The following MROH9 variants were observed in gnomAD, a reference collection of about 807,000 sequenced individuals.
The protein encoded by MROH9 is maestro heat like repeat family member 9.
A neutral mutation model predicts 98.2 loss-of-function variants in MROH9; 92 were observed. That is an observed-to-expected ratio of 0.94 (90% CI 0.79 to 1.11). The LOEUF (loss-of-function observed/expected upper bound fraction) is 1.11. Among genes scored for constraint, MROH9 ranks in the 50% most tolerant of loss-of-function variants. The pLI is 0.00. For missense variants in MROH9, 1,057 were observed against 1,014.8 expected, an observed-to-expected ratio of 1.04 and a Z score of -0.57; for synonymous variants, 397 against 368.9, an observed-to-expected ratio of 1.08 and a Z score of -0.87.
intron 3 of MROH9, among the ~76,000 whole-genome samples, chr1:170,950,882 C>G (rs1442584817): frequency 6.6e-6 from 1 of 152,038 alleles, no homozygotes; most frequent in Non-Finnish European, 1.5e-5. Context: ...GTCCCTCACC[C>G]TTAAATCCTC....
In MROH9 at chr1:171,024,695, C is replaced by A; in HGVS notation, c.2108C>A (p.Ser703Ter). 6.4e-7 allele frequency: 1 copy of A among 1,551,184 alleles called. No individual in the cohort carries two copies. Among genetic ancestry groups the A allele is most frequent in the South Asian group, 1.2e-5 (1 of 83,986 alleles). ...LKICTSQLKW[S>*]TSRLLKDENY... ...ATCTGTACCTCACAATTAAAGTGGT[C>A]AACATCACGTTTGCTCAAAGATGAA... Residue 703 changes from serine (S) to a stop codon, truncating the protein, a stop_gained, in exon 19 of 22, where the codon TCA (serine) becomes TAA (stop). Coordinates refer to ENST00000367759, the MANE Select transcript of MROH9 (RefSeq NM_001163629.2). LOFTEE classifies it high-confidence loss of function.
At chr1:171,061,969 T>G (rs1391035940) in intron 20 of MROH9, among the ~76,000 whole-genome samples, 163 bp from the exon 21 acceptor site, 1 of 152,148 alleles carries the variant, frequency 6.6e-6, no homozygotes, top group East Asian at 1.9e-4. Context: ...TATCTTTCAA[T>G]AAACAATTTT....
intron 20 of MROH9, among the ~76,000 whole-genome samples, chr1:171,055,906 C>T (rs573490852): frequency 2.6e-5 from 4 of 152,218 alleles, no homozygotes; most frequent in East Asian, 1.9e-4. Context: ...GGGAGCCAGA[C>T]GAGCAGAGGA....
chr1:171,060,358 A>C (rs767723736), intron 20 of MROH9, among the ~76,000 whole-genome samples: 12 of 152,178 alleles, frequency 7.9e-5, no homozygotes, highest in African/African-American at 2.9e-4. Context: ...GTTCTCCCCA[A>C]ATTGATCTGT....
chr1:170,935,912 A>G (rs1045858964), intron 1 of MROH9, among the ~76,000 whole-genome samples: 29 of 144,890 alleles, frequency 2.0e-4, no homozygotes, highest in African/African-American at 7.1e-4. Flanking sequence ...GAATCACTTG[A>G]ACTCGGGAGG....
At chr1:170,946,440 C>G (rs914029595) in intron 2 of MROH9, among the ~76,000 whole-genome samples, 1 of 151,912 alleles carries the variant, frequency 6.6e-6, no homozygotes, top group African/African-American at 2.4e-5. Context: ...AACGTGGAAT[C>G]CTGGACTGGA....
chr1:170,956,601 T>G (rs1346898908), intron 3 of MROH9, among the ~76,000 whole-genome samples: 4 of 149,484 alleles, frequency 2.7e-5, no homozygotes, highest in East Asian at 3.9e-4. Context: ...TTTTGTTTTT[T>G]TTTTTTTTTG....
In MROH9 at chr1:170,996,521, C is replaced by T. The variant is rs116543420; in HGVS notation, c.1352C>T (p.Ala451Val). The T allele has an allele frequency of 4.7e-4, 756 of 1,613,236 alleles. 4 individuals carry two copies. The African/African-American group carries it at 8.8e-3, about 19-fold the overall frequency. ...LKDRALYAQD[A>V]LRVLLNCSGL... Reference sequence around the variant, plus strand: ...TGGGGCTTTAGGTATGCCCAGGATGCCCTGAGAGTTCTGCTGAATTGTTCT... The same window carrying T: ...TGGGGCTTTAGGTATGCCCAGGATGTCCTGAGAGTTCTGCTGAATTGTTCT... The change falls in exon 14 of 22, where the codon GCC becomes GTC. Residue 451 changes from alanine to valine, a missense_variant. By Grantham distance (64) the Ala-to-Val change is moderately conservative. Coordinates refer to ENST00000367759, the MANE Select transcript of MROH9 (RefSeq NM_001163629.2).
intron 20 of MROH9, 37 bp downstream of exon 20, chr1:171,025,457 T>G: frequency 7.6e-7 from 1 of 1,319,732 alleles, no homozygotes; most frequent in Non-Finnish European, 1.1e-6. Flanking sequence ...TAACTTGTCT[T>G]AAATGGTATA....
intron 20 of MROH9, among the ~76,000 whole-genome samples, chr1:171,038,939 A>G (rs977194426): frequency 4.6e-5 from 7 of 152,152 alleles, no homozygotes; most frequent in Admixed American, 2.6e-4. Context: ...TGAAGAAAAA[A>G]AAAAGGAAGA....
intron 14 of MROH9, among the ~76,000 whole-genome samples, 179 bp downstream of exon 14, chr1:170,996,823 AT>A (rs988826222): frequency 5.3e-5 from 8 of 151,662 alleles, no homozygotes; most frequent in East Asian, 1.9e-4. Context: ...TTTATTTGTG[AT>A]TTTTTTTCCT....
At chr1:170,999,956 T>C (rs1358721056) in intron 15 of MROH9, among the ~76,000 whole-genome samples, 1 of 152,258 alleles carries the variant, frequency 6.6e-6, no homozygotes, top group Non-Finnish European at 1.5e-5. Flanking sequence ...TTTTTTCATA[T>C]GTTTGTTGGC....
At position 171,045,824 on chromosome 1, in the gene MROH9, A is replaced by C. The variant is rs61816870; in HGVS notation, c.2282-16308A>C. On this transcript the variant is annotated intron_variant, in intron 20 of 21. Coordinates refer to ENST00000367759, the MANE Select transcript of MROH9 (RefSeq NM_001163629.2). ...ATTAGATCCATTTCATGTATAGTGC[A>C]GATTAAGTCTGATGTTTCTTTGTTG... 9.5e-3 allele frequency among the ~76,000 whole-genome samples: 1,452 copies of C among 152,264 alleles called. 15 individuals carry two copies. The highest frequency in any genetic ancestry group is 0.015 in the Non-Finnish European group (1,010 of 68,012).
At chr1:171,037,764 T>C (rs72710585) in intron 20 of MROH9, among the ~76,000 whole-genome samples, 13,584 of 151,914 alleles carry the variant, frequency 0.089, 759 homozygotes, top group Middle Eastern at 0.22. Context: ...CATAATACCA[T>C]CCAGAAATAA....
intron 8 of MROH9, among the ~76,000 whole-genome samples, chr1:170,980,227 GA>G (rs1055181347): frequency 6.6e-6 from 1 of 151,986 alleles, no homozygotes; most frequent in African/African-American, 2.4e-5. Context: ...CACACGATTA[GA>G]AAAAAACTAT....
chr1:170,937,514 T>TA (rs1394676479), intron 1 of MROH9, among the ~76,000 whole-genome samples: 16 of 129,930 alleles, frequency 1.2e-4, no homozygotes, highest in Non-Finnish European at 2.4e-4. Context: ...TCATAATCAG[T>TA]ATTTTTTTTT....
chr1:170,956,913 G>C (rs1234596707), intron 3 of MROH9, among the ~76,000 whole-genome samples: 2 of 151,866 alleles, frequency 1.3e-5, no homozygotes, highest in South Asian at 2.1e-4. Context: ...GTGAGAGTGG[G>C]CATCCTTGTC....
At position 170,991,600 on chromosome 1, in the gene MROH9, C is replaced by T. The variant is rs918759541; in HGVS notation, c.1029-564C>T. ...AGTGTCGAGTATATAGGAAAAGGAG[C>T]TAGGGGACTGGAGGTTGAGAGGCCA... is the stretch of plus-strand genomic sequence containing the variant. On this transcript the variant is annotated intron_variant, in intron 11 of 21. Coordinates refer to ENST00000367759, the MANE Select transcript of MROH9 (RefSeq NM_001163629.2). 6.1e-4 allele frequency among the ~76,000 whole-genome samples: 92 copies of T among 151,954 alleles called. 1 individual carries two copies. Among genetic ancestry groups the T allele is most frequent in the Non-Finnish European group, 1.8e-4 (12 of 67,984 alleles).
At chr1:171,051,164 G>A (rs1038294866) in intron 20 of MROH9, among the ~76,000 whole-genome samples, 1 of 152,154 alleles carries the variant, frequency 6.6e-6, no homozygotes, top group African/African-American at 2.4e-5. Flanking sequence ...TTCAAACATT[G>A]TGTAAGACAT....
Sources: gnomAD v4.1 joint callset for allele counts (sites outside exome capture counted in the v4.1 genomes callset) on GRCh38, gnomAD v4.1.1 for gene constraint, MANE v1.5 for transcripts, NCBI Gene and HGNC (gene_info 2026-07-23, HGNC 2026-07-21) for gene names.